The following MEF2C variants were observed in gnomAD, a reference collection of about 807,000 sequenced individuals.
The protein encoded by MEF2C is myocyte-specific enhancer factor 2C.
MEF2C carries 6 observed loss-of-function variants against 50.5 expected under a neutral mutation model. The ratio of observed to expected loss-of-function variants is 0.12; its 90% CI spans 0.07 to 0.23. The LOEUF is 0.23. Ranked by LOEUF, MEF2C falls within the 10% of genes least tolerant of loss-of-function variation. The pLI is 1.00. For synonymous variants in MEF2C, 183 were observed against 228.0 expected (o/e 0.80, Z 1.78); for missense variants, 276 against 605.0 (o/e 0.46, Z 5.70).
chr5:88,800,192 G>T (rs1006625435), intron 3 of MEF2C, among the ~76,000 whole-genome samples: 1 of 152,074 alleles, frequency 6.6e-6, no homozygotes, highest in South Asian at 2.1e-4. Flanking sequence ...AGGATTTTGT[G>T]GTTACAAAAC....
intron 8 of MEF2C, 50 bp downstream of exon 8, chr5:88,730,161 T>TA: frequency 6.4e-7 from 1 of 1,555,970 alleles, no homozygotes; most frequent in South Asian, 1.2e-5. Context: ...CACCTCTACC[T>TA]AAAAGTAGCT....
At chr5:88,768,457 C>T (rs1299117231) in intron 3 of MEF2C, among the ~76,000 whole-genome samples, 6 of 152,120 alleles carry the variant, frequency 3.9e-5, no homozygotes, top group Non-Finnish European at 8.8e-5. Flanking sequence ...TCAGGTGCTG[C>T]CAGTGGTCCT....
At chr5:88,874,181 C>G (rs781603212) in intron 1 of MEF2C, among the ~76,000 whole-genome samples, 1 of 151,852 alleles carries the variant, frequency 6.6e-6, no homozygotes, top group Non-Finnish European at 1.5e-5. Context: ...ATAGAGTCAA[C>G]GTTTTAATCG....
At chr5:88,874,318 A>C (rs1830441380) in intron 1 of MEF2C, among the ~76,000 whole-genome samples, 1 of 152,008 alleles carries the variant, frequency 6.6e-6, no homozygotes, top group South Asian at 2.1e-4. Context: ...TATGATTCAA[A>C]TGACCCTACT....
At chr5:88,774,741 G>A (rs1479281612) in intron 3 of MEF2C, among the ~76,000 whole-genome samples, 1 of 152,126 alleles carries the variant, frequency 6.6e-6, no homozygotes, top group East Asian at 1.9e-4. Context: ...AGTTGACTTG[G>A]GTAGGTGTCT....
chr5:88,846,101 T>A (rs1819237123), intron 1 of MEF2C, among the ~76,000 whole-genome samples: 1 of 150,176 alleles, frequency 6.7e-6, no homozygotes, highest in Non-Finnish European at 1.5e-5. Flanking sequence ...GCATTCTAGC[T>A]CTGTTGCCCA....
At chr5:88,855,052 T>C (rs1822794485) in intron 1 of MEF2C, among the ~76,000 whole-genome samples, 1 of 152,136 alleles carries the variant, frequency 6.6e-6, no homozygotes, top group Non-Finnish European at 1.5e-5. Context: ...TGGCAGGAGG[T>C]ACACAGAAAG....
At chr5:88,868,634 T>C (rs1289942249) in intron 1 of MEF2C, among the ~76,000 whole-genome samples, 1 of 152,144 alleles carries the variant, frequency 6.6e-6, no homozygotes, top group African/African-American at 2.4e-5. Context: ...CTACCACCGG[T>C]ACTTTAAGGA....
intron 6 of MEF2C, among the ~76,000 whole-genome samples, chr5:88,745,906 A>G (rs1211061827): frequency 2.0e-5 from 3 of 152,210 alleles, no homozygotes; most frequent in Non-Finnish European, 4.4e-5. Flanking sequence ...TCAGTTTCCT[A>G]ATCTGTAGAA....
In MEF2C at chr5:88,722,216, C is replaced by T. The variant is rs1756566349; in HGVS notation, c.*388G>A. ...TTCTATATGTTGCATAACAGCTGCT[C>T]TCTCTTTCAGTAAAGATCTGCCGCT... On this transcript the variant is annotated 3_prime_UTR_variant, in exon 11 of 11. Coordinates refer to ENST00000504921, the MANE Select transcript of MEF2C (RefSeq NM_002397.5). 1 of 174,560 alleles carries T rather than the reference C, an allele frequency of 5.7e-6. No individual in the cohort carries two copies. The highest frequency in any genetic ancestry group is 5.6e-5 in the Admixed American group (1 of 17,840). The allele number at this position is 174,560 out of a possible 1,614,324, so 10.8% of individuals were successfully genotyped here. A position where few individuals can be genotyped will look rare whatever the true frequency, so the allele number is the denominator to read the frequency against.
intron 1 of MEF2C, among the ~76,000 whole-genome samples, chr5:88,833,880 T>G (rs1409645091): frequency 6.6e-6 from 1 of 152,130 alleles, no homozygotes; most frequent in Non-Finnish European, 1.5e-5. Context: ...ATTCCTTACT[T>G]AGTTCTATAA....
chr5:88,835,813 TA>T lies in MEF2C; in HGVS notation c.-142-11884del, dbSNP rs11417968. On this transcript the variant is annotated intron_variant, in intron 1 of 10. Transcript: ENST00000504921. Reference sequence around the variant, plus strand: ...GGGCAACAAGAGAGAAACTCCATCTTAAAAAAAAAAAAAAAAAAGGAAGGAT... The same window carrying T: ...GGGCAACAAGAGAGAAACTCCATCTTAAAAAAAAAAAAAAAAAGGAAGGAT... 5.5e-3 allele frequency among the ~76,000 whole-genome samples: 631 copies of T among 115,298 alleles called. 4 individuals carry two copies. Among genetic ancestry groups the T allele is most frequent in the African/African-American group, 8.2e-3 (256 of 31,034 alleles). 75.6% of individuals were successfully genotyped at this position (115,298 alleles called of 152,430 possible).
At chr5:88,799,870 TCACACACACACA>T (rs60340884) in intron 3 of MEF2C, among the ~76,000 whole-genome samples, 26 of 107,524 alleles carry the variant, frequency 2.4e-4, no homozygotes, top group African/African-American at 7.4e-4. Context: ...TCTCTCTCTC[TCACACACACACA>T]CACACACACA....
At chr5:88,735,157 A>C (rs780091488) in intron 6 of MEF2C, 98 of 985,256 alleles carry the variant, frequency 9.9e-5, no homozygotes, top group Non-Finnish European at 1.2e-4. Context: ...TACTGCTAAG[A>C]AGAGCCTGCA....
intron 1 of MEF2C, among the ~76,000 whole-genome samples, chr5:88,827,732 G>A (rs995736783): frequency 2.6e-5 from 4 of 151,620 alleles, no homozygotes; most frequent in African/African-American, 9.7e-5. Context: ...AAAAGTCATC[G>A]TACACAGTTA....
At chr5:88,753,694 T>C (rs1471816692) in intron 4 of MEF2C, among the ~76,000 whole-genome samples, 2 of 152,198 alleles carry the variant, frequency 1.3e-5, no homozygotes, top group African/African-American at 4.8e-5. Context: ...TCTGGCCCAA[T>C]CTGTCATTGT....
At chr5:88,734,054 G>C in intron 6 of MEF2C, 1 of 983,898 alleles carries the variant, frequency 1.0e-6, no homozygotes, top group Non-Finnish European at 1.2e-6. Context: ...AAGAGAGTAT[G>C]TTCACTTAAA....
intron 3 of MEF2C, among the ~76,000 whole-genome samples, chr5:88,794,687 T>C (rs1438098405): frequency 6.6e-6 from 1 of 152,204 alleles, no homozygotes; most frequent in Non-Finnish European, 1.5e-5. Flanking sequence ...TGCCATTGCT[T>C]TTGGTGTTTT....
intron 10 of MEF2C, among the ~76,000 whole-genome samples, chr5:88,725,660 T>G (rs1370894875): frequency 1.3e-5 from 2 of 152,122 alleles, no homozygotes; most frequent in South Asian, 2.1e-4. Flanking sequence ...TGCTTTTGAA[T>G]TGGGAAAACT....
Sources: gnomAD v4.1 joint callset for allele counts (sites outside exome capture counted in the v4.1 genomes callset) on GRCh38, gnomAD v4.1.1 for gene constraint, MANE v1.5 for transcripts, NCBI Gene and HGNC (gene_info 2026-07-23, HGNC 2026-07-21) for gene names.